RETREG1: variants seen among roughly 807,000 people sequenced by gnomAD.
RETREG1 encodes family with sequence similarity 134 member B.
A neutral mutation model predicts 54.8 loss-of-function variants in RETREG1; 44 were observed. The observed-to-expected ratio is 0.80, with a 90% CI of 0.63 to 1.03. The LOEUF (loss-of-function observed/expected upper bound fraction) is 1.03, where lower values mean the gene tolerates loss of function less well. Ranked by LOEUF, RETREG1 falls within the 50% of genes least tolerant of loss-of-function variation. The pLI is 0.00. For synonymous variants in RETREG1, 217 were observed against 238.5 expected, an observed-to-expected ratio of 0.91 and a Z score of 0.83; for missense variants, 554 against 605.1, an observed-to-expected ratio of 0.92 and a Z score of 0.89.
chr5:16,504,560 C>T (rs1356429608), intron 3 of RETREG1, among the ~76,000 whole-genome samples: 5 of 152,184 alleles, frequency 3.3e-5, no homozygotes, highest in Non-Finnish European at 5.9e-5. Flanking sequence ...CTCCTTTCTC[C>T]TTGGGTGTCA....
chr5:16,477,113 A>C (rs977772941), intron 8 of RETREG1, among the ~76,000 whole-genome samples: 2 of 151,878 alleles, frequency 1.3e-5, no homozygotes, highest in African/African-American at 4.8e-5. Context: ...TCAGGAGGTA[A>C]TTTTTCTAAT....
intron 1 of RETREG1, chr5:16,615,903 G>C (rs10043774): frequency 2.5e-4 from 38 of 152,378 alleles, no homozygotes; most frequent in African/African-American, 8.9e-4. Flanking sequence ...CCTCAATAGC[G>C]TGGTAACGGA....
At chr5:16,613,912 A>G (rs1216355297) in intron 1 of RETREG1, among the ~76,000 whole-genome samples, 3 of 148,896 alleles carry the variant, frequency 2.0e-5, no homozygotes, top group Non-Finnish European at 4.4e-5. Flanking sequence ...AATAAAAGGG[A>G]AAAAAAAACA....
At chr5:16,589,644 G>A (rs1433229000) in intron 1 of RETREG1, among the ~76,000 whole-genome samples, 1 of 152,200 alleles carries the variant, frequency 6.6e-6, no homozygotes, top group Non-Finnish European at 1.5e-5. Context: ...GGGATTACAG[G>A]TGTGAGCCAC....
intron 3 of RETREG1, among the ~76,000 whole-genome samples, chr5:16,519,835 T>C (rs923688811): frequency 6.6e-6 from 1 of 152,238 alleles, no homozygotes; most frequent in Non-Finnish European, 1.5e-5. Flanking sequence ...TATCACTATT[T>C]TCTTATCCTG....
At chr5:16,503,450 C>G (rs1054504299) in intron 3 of RETREG1, among the ~76,000 whole-genome samples, 1 of 152,130 alleles carries the variant, frequency 6.6e-6, no homozygotes, top group Non-Finnish European at 1.5e-5. Context: ...GGGTGGATCA[C>G]GAGGTCAGGA....
At position 16,513,742 on chromosome 5, in the gene RETREG1, A is replaced by C. The variant is rs531516784; in HGVS notation, c.459-30270T>G. On this transcript the variant is annotated intron_variant, in intron 3 of 8. Coordinates refer to ENST00000306320, the MANE Select transcript of RETREG1 (RefSeq NM_001034850.3). ...TGCCACTTGGGCCATTTTCAGAAAA[A>C]CATTTGCAAGAATGAGTCCTGTTTT... Among the ~76,000 whole-genome samples the C allele has an allele frequency of 3.3e-5, 5 of 152,300 alleles. No homozygotes were observed. In the East Asian group the frequency reaches 7.7e-4, roughly 24 times the overall value.
intron 3 of RETREG1, among the ~76,000 whole-genome samples, chr5:16,505,149 C>T (rs765382260): frequency 3.9e-5 from 6 of 152,276 alleles, no homozygotes; most frequent in East Asian, 1.9e-4. Context: ...CGGAGTCCAG[C>T]GATCACAAAA....
intron 3 of RETREG1, among the ~76,000 whole-genome samples, chr5:16,523,202 A>G (rs1023732402): frequency 4.6e-5 from 7 of 152,136 alleles, no homozygotes; most frequent in African/African-American, 1.4e-4. Flanking sequence ...GTACGACACT[A>G]TGAACTAAAT....
At chr5:16,613,085 C>A (rs554822513) in intron 1 of RETREG1, among the ~76,000 whole-genome samples, 2 of 132,634 alleles carry the variant, frequency 1.5e-5, no homozygotes, top group Non-Finnish European at 3.2e-5. Context: ...TTTGTGGATA[C>A]TTCTACAAAG....
intron 1 of RETREG1, among the ~76,000 whole-genome samples, chr5:16,599,608 C>T (rs745804737): frequency 6.6e-6 from 1 of 152,122 alleles, no homozygotes; most frequent in Admixed American, 6.5e-5. Flanking sequence ...AATTACTGAG[C>T]ACCTACCATA....
intron 3 of RETREG1, among the ~76,000 whole-genome samples, chr5:16,552,777 T>C (rs1157853559): frequency 6.6e-6 from 1 of 152,236 alleles, no homozygotes; most frequent in Non-Finnish European, 1.5e-5. Context: ...CATCGGACTT[T>C]CTTCTTGTAA....
intron 1 of RETREG1, among the ~76,000 whole-genome samples, chr5:16,615,135 C>T (rs1202908315): frequency 6.6e-6 from 1 of 152,058 alleles, no homozygotes; most frequent in African/African-American, 2.4e-5. Context: ...CAGTAGCTCA[C>T]GCTTGTAATC....
chr5:16,543,485 A>C (rs1266049359), intron 3 of RETREG1, among the ~76,000 whole-genome samples: 1 of 152,058 alleles, frequency 6.6e-6, no homozygotes, highest in Non-Finnish European at 1.5e-5. Context: ...AAACCAGTCT[A>C]GCCAACATGA....
Position 16,535,624 on chromosome 5 carries a change from G to A in RETREG1, c.458+30139C>T, listed in dbSNP as rs13161428. Reference sequence around the variant, plus strand: ...GTTCCTGTGTACACGCTGCCTTCACGAAGTGGGAGCTGGGGTTCCTGTGTG... The same window carrying A: ...GTTCCTGTGTACACGCTGCCTTCACAAAGTGGGAGCTGGGGTTCCTGTGTG... On this transcript the variant is annotated intron_variant, in intron 3 of 8. Coordinates refer to ENST00000306320, the MANE Select transcript of RETREG1 (RefSeq NM_001034850.3). Among the ~76,000 whole-genome samples, 178 of 125,622 alleles carry A rather than the reference G, an allele frequency of 1.4e-3. 1 individual carries two copies. Among genetic ancestry groups the A allele is most frequent in the African/African-American group, 4.3e-3 (137 of 31,498 alleles). 82.4% of individuals were successfully genotyped at this position (125,622 alleles called of 152,430 possible).
intron 1 of RETREG1, among the ~76,000 whole-genome samples, chr5:16,589,249 G>A (rs1366480825): frequency 1.3e-5 from 2 of 151,846 alleles, no homozygotes; most frequent in East Asian, 3.9e-4. Flanking sequence ...CACTCTTGGG[G>A]ATTATAATCC....
chr5:16,490,704 C>A (rs1038274788), intron 3 of RETREG1, among the ~76,000 whole-genome samples: 1 of 152,180 alleles, frequency 6.6e-6, no homozygotes, highest in Non-Finnish European at 1.5e-5. Context: ...CAGAATGAAT[C>A]CACAATGGAA....
rs1738590614 is a variant in RETREG1, at chr5:16,477,613, G to C, written c.1000+49C>G. ...TTCAGTATTTGACAGAAGTTCAATAGTTTTGTATGCACTCATAAAAATAAA... is the reference window on the plus strand; with the variant it reads ...TTCAGTATTTGACAGAAGTTCAATACTTTTGTATGCACTCATAAAAATAAA... On this transcript the variant is annotated intron_variant, in intron 8 of 8. Transcript: ENST00000306320. 1.9e-6 allele frequency: 3 copies of C among 1,569,554 alleles called. No individual in the cohort carries two copies. In the Admixed American group the frequency reaches 5.0e-5, roughly 26 times the overall value.
At chr5:16,526,314 A>C (rs1740714990) in intron 3 of RETREG1, among the ~76,000 whole-genome samples, 1 of 152,244 alleles carries the variant, frequency 6.6e-6, no homozygotes, top group African/African-American at 2.4e-5. Flanking sequence ...TCACATGCTT[A>C]CTGGGAGCGT....
Sources: gnomAD v4.1 joint callset for allele counts (sites outside exome capture counted in the v4.1 genomes callset) on GRCh38, gnomAD v4.1.1 for gene constraint, MANE v1.5 for transcripts, NCBI Gene and HGNC (gene_info 2026-07-23, HGNC 2026-07-21) for gene names.